SAMMSON: variants seen among roughly 807,000 people sequenced by gnomAD.
SAMMSON encodes survival associated mitochondrial melanoma specific oncogenic non-coding RNA.
chr3:70,162,691 A>C (rs1434063654), intron 4 of SAMMSON, among the ~76,000 whole-genome samples: 1 of 151,806 alleles, frequency 6.6e-6, no homozygotes, highest in Non-Finnish European at 1.5e-5. Flanking sequence ...ATCCTTGCTG[A>C]TTTTATGTCT....
chr3:70,385,278 AG>A (rs1298461465), intron 9 of SAMMSON, among the ~76,000 whole-genome samples: 1 of 152,132 alleles, frequency 6.6e-6, no homozygotes, highest in Non-Finnish European at 1.5e-5. Flanking sequence ...AACTAACAGT[AG>A]GTCCACCATG....
chr3:70,412,968 A>G (rs1405216979), intron 2 of SAMMSON, among the ~76,000 whole-genome samples: 1 of 152,142 alleles, frequency 6.6e-6, no homozygotes, highest in African/African-American at 2.4e-5. Flanking sequence ...ACTTCAACTA[A>G]ACAGTTATTT....
chr3:70,236,108 A>G (rs575740255), intron 4 of SAMMSON, among the ~76,000 whole-genome samples: 47 of 152,128 alleles, frequency 3.1e-4, no homozygotes, highest in Non-Finnish European at 6.8e-4. Flanking sequence ...TTCCCTTGCT[A>G]ACCTAACTTA....
chr3:70,182,903 A>G (rs529794404), intron 4 of SAMMSON, among the ~76,000 whole-genome samples: 3 of 78,766 alleles, frequency 3.8e-5, no homozygotes, highest in South Asian at 2.8e-4. Context: ...ACTAATGACT[A>G]ATTGGATTTT....
At chr3:70,136,587 G>C (rs978501110) in intron 4 of SAMMSON, among the ~76,000 whole-genome samples, 1 of 152,206 alleles carries the variant, frequency 6.6e-6, no homozygotes, top group Non-Finnish European at 1.5e-5. Context: ...TACAGAAACT[G>C]TGTGAGATAG....
At chr3:70,268,462 G>A (rs1210576737) in intron 6 of SAMMSON, among the ~76,000 whole-genome samples, 6 of 121,242 alleles carry the variant, frequency 4.9e-5, no homozygotes, top group East Asian at 2.7e-4. Flanking sequence ...GCAACAGAGC[G>A]AGACTCCGTC....
At chr3:70,105,540 C>T (rs1440674919) in intron 4 of SAMMSON, among the ~76,000 whole-genome samples, 1 of 152,132 alleles carries the variant, frequency 6.6e-6, no homozygotes, top group South Asian at 2.1e-4. Context: ...CTTTCCAGCA[C>T]GAGGTGCATA....
chr3:70,173,496 GT>G (rs928024182), intron 4 of SAMMSON, among the ~76,000 whole-genome samples: 2 of 151,792 alleles, frequency 1.3e-5, no homozygotes, highest in African/African-American at 4.8e-5. Context: ...TATGGTATAC[GT>G]TTTAAATCCC....
At chr3:70,259,199 C>T (rs960575760) in intron 6 of SAMMSON, among the ~76,000 whole-genome samples, 1 of 152,044 alleles carries the variant, frequency 6.6e-6, no homozygotes, top group African/African-American at 2.4e-5. Context: ...TAGCCATTTC[C>T]CAGAACACAT....
At chr3:70,266,657 G>T (rs1273482814) in intron 6 of SAMMSON, among the ~76,000 whole-genome samples, 1 of 151,948 alleles carries the variant, frequency 6.6e-6, no homozygotes, top group Non-Finnish European at 1.5e-5. Flanking sequence ...TGTTGCCCAT[G>T]CTGGTCTCAA....
At chr3:70,064,334 T>C (rs1021845374) in intron 3 of SAMMSON, among the ~76,000 whole-genome samples, 2 of 152,148 alleles carry the variant, frequency 1.3e-5, no homozygotes, top group Non-Finnish European at 2.9e-5. Context: ...TCTGGGACTT[T>C]ACACTTTAAT....
intron 7 of SAMMSON, among the ~76,000 whole-genome samples, chr3:70,347,627 T>C (rs1468698402): frequency 6.6e-6 from 1 of 152,204 alleles, no homozygotes; most frequent in Non-Finnish European, 1.5e-5. Context: ...TACCAAATAT[T>C]GTTCTAGGTA....
intron 2 of SAMMSON, among the ~76,000 whole-genome samples, chr3:70,411,563 T>A (rs1701218433): frequency 6.6e-6 from 1 of 152,170 alleles, no homozygotes; most frequent in African/African-American, 2.4e-5. Context: ...CCCACCCAAA[T>A]CTCATCTTGA....
chr3:70,411,094 C>A (rs1205936635), intron 2 of SAMMSON, among the ~76,000 whole-genome samples: 2 of 152,090 alleles, frequency 1.3e-5, no homozygotes. Context: ...CTTTTGAAGA[C>A]CATCATTGAT....
At chr3:70,328,224 T>C (rs1234744981) in intron 7 of SAMMSON, among the ~76,000 whole-genome samples, 1 of 152,150 alleles carries the variant, frequency 6.6e-6, no homozygotes, top group Non-Finnish European at 1.5e-5. Context: ...GAGCTACAAT[T>C]CAAGATGAGA....
intron 4 of SAMMSON, among the ~76,000 whole-genome samples, chr3:70,076,246 AT>A (rs1265720061): frequency 3.3e-5 from 5 of 152,126 alleles, no homozygotes; most frequent in Non-Finnish European, 5.9e-5. Context: ...GGAAAAGCTA[AT>A]AGGCTTTTAC....
intron 7 of SAMMSON, among the ~76,000 whole-genome samples, chr3:70,311,269 T>A (rs561134237): frequency 5.9e-5 from 9 of 152,184 alleles, no homozygotes; most frequent in Non-Finnish European, 1.0e-4. Flanking sequence ...AAAGTGATCA[T>A]AAAATCAAAA....
intron 6 of SAMMSON, among the ~76,000 whole-genome samples, chr3:70,290,717 G>C (rs944875886): frequency 6.6e-5 from 10 of 152,094 alleles, no homozygotes; most frequent in Non-Finnish European, 1.5e-5. Context: ...GTGAGACTCC[G>C]TGGGCGTAGG....
intron 4 of SAMMSON, chr3:70,184,093 G>A (rs1457806329): frequency 6.6e-6 from 1 of 152,062 alleles, no homozygotes; most frequent in African/African-American, 2.4e-5. Context: ...GATTTTCTCC[G>A]AAAAACAATC....
Sources: allele counts gnomAD v4.1 joint callset (sites outside exome capture counted in the v4.1 genomes callset), GRCh38; gene constraint gnomAD v4.1.1; transcripts MANE v1.5; gene names NCBI Gene and HGNC (gene_info 2026-07-23, HGNC 2026-07-21).